PCDHA6: variants seen among roughly 807,000 people sequenced by gnomAD.
PCDHA6 encodes protocadherin alpha-6.
In PCDHA6, 55 loss-of-function variants were observed where a neutral mutation model predicts 60.3. The observed-to-expected ratio is 0.91, with a 90% CI of 0.73 to 1.14. The LOEUF (loss-of-function observed/expected upper bound fraction) is 1.14. PCDHA6 is among the 50% of genes most tolerant of loss of function. The pLI is 0.00. For synonymous variants in PCDHA6, 652 were observed against 557.9 expected, an observed-to-expected ratio of 1.17 and a Z score of -2.38; for missense variants, 1,327 against 1,256.5, an observed-to-expected ratio of 1.06 and a Z score of -0.85.
intron 1 of PCDHA6, chr5:140,868,803 C>A: frequency 2.9e-6 from 1 of 350,392 alleles, no homozygotes; most frequent in South Asian, 7.0e-5. Context: ...CATAAATAAG[C>A]ACGTTGGAAA....
At chr5:140,989,619 TC>T (rs2097351060) in intron 3 of PCDHA6, among the ~76,000 whole-genome samples, 1 of 152,196 alleles carries the variant, frequency 6.6e-6, no homozygotes. Flanking sequence ...TGAAAGTCTG[TC>T]CTAGTGACAG....
chr5:140,838,074 TATAGTGTGTG>T (rs1562368260), intron 1 of PCDHA6, among the ~76,000 whole-genome samples: 2 of 120,528 alleles, frequency 1.7e-5, no homozygotes, highest in African/African-American at 6.6e-5. Flanking sequence ...GTTATATATA[TATAGTGTGTG>T]TGTGTGTGTG....
At chr5:140,941,019 C>T (rs569905763) in intron 1 of PCDHA6, among the ~76,000 whole-genome samples, 4 of 152,142 alleles carry the variant, frequency 2.6e-5, no homozygotes, top group East Asian at 1.9e-4. Context: ...TCCTATTTTC[C>T]TTCTGGCCTT....
chr5:140,972,152 A>AT (rs1203762947), intron 1 of PCDHA6, among the ~76,000 whole-genome samples: 3 of 151,770 alleles, frequency 2.0e-5, no homozygotes, highest in East Asian at 3.9e-4. Context: ...TTTTATTTTT[A>AT]TTTTTTTGAG....
At chr5:140,982,218 G>A (rs1054533925) in intron 2 of PCDHA6, 11 of 523,574 alleles carry the variant, frequency 2.1e-5, no homozygotes, top group African/African-American at 7.7e-5. Context: ...GCCACATGGC[G>A]TTAATAAAAA....
At chr5:140,987,439 A>G (rs1407783928) in intron 3 of PCDHA6, among the ~76,000 whole-genome samples, 18 of 152,154 alleles carry the variant, frequency 1.2e-4, no homozygotes, top group African/African-American at 3.9e-4. Flanking sequence ...GCCTTTCCCC[A>G]TGCCCGAGAG....
At chr5:140,904,440 A>G (rs1455600144) in intron 1 of PCDHA6, among the ~76,000 whole-genome samples, 1 of 151,204 alleles carries the variant, frequency 6.6e-6, no homozygotes, top group Non-Finnish European at 1.5e-5. Flanking sequence ...TATGTATATT[A>G]CAATTTCTTT....
At chr5:140,843,435 G>A (rs2150359827) in intron 1 of PCDHA6, 3 of 1,596,130 alleles carry the variant, frequency 1.9e-6, no homozygotes, top group Non-Finnish European at 2.6e-6. Flanking sequence ...ATCGCCATCT[G>A]CGCGGTATCC....
intron 1 of PCDHA6, chr5:140,884,210 C>G: frequency 6.2e-7 from 1 of 1,613,532 alleles, no homozygotes; most frequent in South Asian, 1.1e-5. Context: ...CCACCGCCTT[C>G]TGGTGCTGGT....
intron 1 of PCDHA6, among the ~76,000 whole-genome samples, chr5:140,839,743 T>C (rs2150300619): frequency 0.58 from 88,357 of 151,822 alleles, 26,802 homozygotes; most frequent in African/African-American, 0.73. Flanking sequence ...TACCCTTATT[T>C]GCCTTTCCTA....
At chr5:140,848,313 C>T in intron 1 of PCDHA6, 1 of 730,618 alleles carries the variant, frequency 1.4e-6, no homozygotes, top group Non-Finnish European at 2.3e-6. Context: ...CACTCTTTGC[C>T]GCGATGTTCT....
intron 1 of PCDHA6, among the ~76,000 whole-genome samples, chr5:140,905,945 T>C (rs2072222090): frequency 6.6e-6 from 1 of 152,150 alleles, no homozygotes; most frequent in Non-Finnish European, 1.5e-5. Flanking sequence ...GAACTTGGAA[T>C]CCGATGTTCA....
In PCDHA6 at chr5:140,849,939, G is replaced by T; in HGVS notation, c.2394+19454G>T. On this transcript the variant is annotated intron_variant, in intron 1 of 3. Coordinates refer to ENST00000529310, the MANE Select transcript of PCDHA6 (RefSeq NM_018909.4). ...CATCTTCACGGTGTCTGCGCGGGAC[G>T]CTGACGCGCAGGAGAACGCCCTGGT... The T allele has an allele frequency of 6.3e-7, 1 of 1,598,036 alleles. No homozygotes were observed. The highest frequency in any genetic ancestry group is 8.6e-7 in the Non-Finnish European group (1 of 1,167,746).
intron 1 of PCDHA6, among the ~76,000 whole-genome samples, chr5:140,924,896 AAAAAAAAAATAAAAT>A (rs1195249436): frequency 5.8e-5 from 4 of 69,076 alleles, no homozygotes; most frequent in Non-Finnish European, 9.1e-5. Flanking sequence ...ACCTGTCTCA[AAAAAAAAAATAAAAT>A]AAAATAAAAT....
At chr5:140,912,410 T>C (rs2075912290) in intron 1 of PCDHA6, among the ~76,000 whole-genome samples, 1 of 152,090 alleles carries the variant, frequency 6.6e-6, no homozygotes, top group Non-Finnish European at 1.5e-5. Context: ...AGCTTGGTTA[T>C]TATTGGTGTA....
At chr5:140,976,203 A>T (rs1301475935) in intron 1 of PCDHA6, among the ~76,000 whole-genome samples, 1 of 152,220 alleles carries the variant, frequency 6.6e-6, no homozygotes, top group East Asian at 1.9e-4. Flanking sequence ...GAAACTCAGA[A>T]GTAAAAAAGA....
intron 1 of PCDHA6, among the ~76,000 whole-genome samples, chr5:140,839,815 A>G (rs1776430186): frequency 6.6e-6 from 1 of 152,044 alleles, no homozygotes; most frequent in Admixed American, 6.6e-5. Context: ...ATTGCCTACT[A>G]TGAAGGCATT....
chr5:140,969,019 G>A (rs782394566), intron 1 of PCDHA6: 61 of 1,614,046 alleles, frequency 3.8e-5, no homozygotes, highest in Non-Finnish European at 4.7e-5. Flanking sequence ...TAAGGGAAAG[G>A]TCCCCTGCAG....
intron 1 of PCDHA6, chr5:140,877,450 A>G (rs1406485859): frequency 1.9e-6 from 3 of 1,613,636 alleles, no homozygotes; most frequent in Non-Finnish European, 2.5e-6. Flanking sequence ...GCCCGCGCTG[A>G]CGTCCACGGC....
Sources: gnomAD v4.1 joint callset for allele counts (sites outside exome capture counted in the v4.1 genomes callset) on GRCh38, gnomAD v4.1.1 for gene constraint, MANE v1.5 for transcripts, NCBI Gene and HGNC (gene_info 2026-07-23, HGNC 2026-07-21) for gene names.